PCDHGA2: variants seen among roughly 807,000 people sequenced by gnomAD.
PCDHGA2 encodes protocadherin gamma-A2.
In PCDHGA2, 40 loss-of-function variants were observed where a neutral mutation model predicts 59.2. That is an observed-to-expected ratio of 0.68 (90% CI 0.52 to 0.88). PCDHGA2 has a LOEUF of 0.88. Ranked by LOEUF, PCDHGA2 falls within the 40% of genes least tolerant of loss-of-function variation. The probability of loss-of-function intolerance (pLI) is 0.00; values close to 1 mark genes in which losing one functional copy is unlikely to be tolerated. For missense variants in PCDHGA2, 1,226 were observed against 1,204.0 expected, an observed-to-expected ratio of 1.02 and a Z score of -0.27; for synonymous variants, 560 against 526.0, an observed-to-expected ratio of 1.06 and a Z score of -0.89.
At chr5:141,343,062 C>T (rs1757247394) in intron 1 of PCDHGA2, 1 of 155,574 alleles carries the variant, frequency 6.4e-6, no homozygotes, top group Admixed American at 6.5e-5. Flanking sequence ...CCCCCTAACC[C>T]CCTTGGCTTC....
At chr5:141,357,072 C>G (rs745612694) in intron 1 of PCDHGA2, 1 of 1,613,960 alleles carries the variant, frequency 6.2e-7, no homozygotes, top group Admixed American at 1.7e-5. Flanking sequence ...TGCACACAGG[C>G]GAGGTGCGCA....
chr5:141,441,195 A>C (rs1160365905), intron 1 of PCDHGA2: 1 of 152,224 alleles, frequency 6.6e-6, no homozygotes, highest in Non-Finnish European at 1.5e-5. Context: ...TGATTCCCAA[A>C]GATTCTGCAC....
chr5:141,459,757 G>A (rs1360124889), intron 1 of PCDHGA2, among the ~76,000 whole-genome samples: 3 of 152,162 alleles, frequency 2.0e-5, no homozygotes, highest in Admixed American at 2.0e-4. Context: ...ATTCTAGTGG[G>A]TGTGTGATAC....
rs577770679 is a variant in PCDHGA2, at chr5:141,458,782, G to A, written c.2425-36025G>A. Reference sequence around the variant, plus strand: ...GGGTCTTGCTGTGTCACACAGGCTGGAGTGCAGTGGTGTGATCTCAGCTCA... The same window carrying A: ...GGGTCTTGCTGTGTCACACAGGCTGAAGTGCAGTGGTGTGATCTCAGCTCA... On this transcript the variant is annotated intron_variant, in intron 1 of 3. Coordinates refer to ENST00000394576, the MANE Select transcript of PCDHGA2 (RefSeq NM_018915.4). 3.3e-5 allele frequency among the ~76,000 whole-genome samples: 5 copies of A among 152,020 alleles called. No homozygotes were observed. In the East Asian group the frequency reaches 9.7e-4, roughly 30 times the overall value.
At chr5:141,346,096 A>G in intron 1 of PCDHGA2, 1 of 1,613,228 alleles carries the variant, frequency 6.2e-7, no homozygotes, top group Non-Finnish European at 8.5e-7. Flanking sequence ...AACGATTCGG[A>G]CCTCACTCTG....
chr5:141,429,389 A>T (rs6890456), intron 1 of PCDHGA2, among the ~76,000 whole-genome samples: 7,460 of 147,570 alleles, frequency 0.051, 197 homozygotes, highest in South Asian at 0.075. Flanking sequence ...TTTTTTTTTA[A>T]AAAAAATTGA....
intron 1 of PCDHGA2, among the ~76,000 whole-genome samples, chr5:141,397,265 A>G (rs2093498946): frequency 6.6e-6 from 1 of 152,210 alleles, no homozygotes; most frequent in Non-Finnish European, 1.5e-5. Context: ...TTTCTTAGCT[A>G]CATCATATGG....
intron 1 of PCDHGA2, among the ~76,000 whole-genome samples, chr5:141,464,397 C>T (rs1352852782): frequency 1.3e-5 from 2 of 150,158 alleles, no homozygotes; most frequent in Non-Finnish European, 3.0e-5. Context: ...TAATGAAGAA[C>T]CTGAGATATA....
At chr5:141,356,456 AC>A in intron 1 of PCDHGA2, 1 of 1,613,458 alleles carries the variant, frequency 6.2e-7, no homozygotes. Context: ...TCAGAATATA[AC>A]ATCACTGTAA....
chr5:141,361,824 G>C (rs1285016518), intron 1 of PCDHGA2: 2 of 1,612,886 alleles, frequency 1.2e-6, no homozygotes, highest in Non-Finnish European at 1.7e-6. Context: ...CACGGGTGCT[G>C]TACCCCGCGC....
At chr5:141,484,908 G>T in intron 1 of PCDHGA2, 1 of 415,428 alleles carries the variant, frequency 2.4e-6, no homozygotes, top group East Asian at 4.2e-5. Context: ...ATGCTGCGAC[G>T]CATTAACCCT....
chr5:141,430,773 G>A (rs375524585), intron 1 of PCDHGA2: 2 of 1,507,932 alleles, frequency 1.3e-6, no homozygotes, highest in Non-Finnish European at 1.8e-6. Flanking sequence ...ATTCCTGCGC[G>A]ACTGCACCGG....
chr5:141,473,892 G>C (rs1247711441), intron 1 of PCDHGA2, among the ~76,000 whole-genome samples: 1 of 152,138 alleles, frequency 6.6e-6, no homozygotes, highest in African/African-American at 2.4e-5. Context: ...GGGTTCTGTT[G>C]GTTCATGAAG....
intron 1 of PCDHGA2, chr5:141,423,333 C>T (rs761192305): frequency 3.1e-6 from 5 of 1,614,184 alleles, no homozygotes; most frequent in Non-Finnish European, 4.2e-6. Context: ...CCGCAGTCTC[C>T]TGCATCTTCC....
At chr5:141,509,669 G>GAGAA (rs2099877764) in intron 3 of PCDHGA2, among the ~76,000 whole-genome samples, 1 of 152,180 alleles carries the variant, frequency 6.6e-6, no homozygotes, top group African/African-American at 2.4e-5. Flanking sequence ...CTGGGCCCCA[G>GAGAA]TTTCTTCTTC....
chr5:141,461,591 C>T (rs1368759571), intron 1 of PCDHGA2, among the ~76,000 whole-genome samples: 1 of 152,088 alleles, frequency 6.6e-6, no homozygotes, highest in Non-Finnish European at 1.5e-5. Flanking sequence ...GTTATATTTC[C>T]ATTATAATTT....
intron 1 of PCDHGA2, chr5:141,427,535 C>T (rs746067304): frequency 8.0e-6 from 5 of 626,498 alleles, no homozygotes; most frequent in South Asian, 7.6e-5. Flanking sequence ...CGGAGTACAA[C>T]GTCACCATCA....
At chr5:141,403,892 T>C in intron 1 of PCDHGA2, 1 of 1,613,820 alleles carries the variant, frequency 6.2e-7, no homozygotes, top group Non-Finnish European at 8.5e-7. Flanking sequence ...AGAATGTTCA[T>C]TTTATGAAAT....
intron 1 of PCDHGA2, chr5:141,372,083 G>T (rs1381793721): frequency 6.2e-7 from 1 of 1,613,756 alleles, no homozygotes. Context: ...CGCTGGTGCT[G>T]TACCCAGCTC....
Sources: allele counts gnomAD v4.1 joint callset (sites outside exome capture counted in the v4.1 genomes callset), GRCh38; gene constraint gnomAD v4.1.1; transcripts MANE v1.5; gene names NCBI Gene and HGNC (gene_info 2026-07-23, HGNC 2026-07-21).